Variants in HMX1 observed in about 807,000 individuals in gnomAD.
HMX1 encodes homeobox protein HMX1.
A neutral mutation model predicts 8.9 loss-of-function variants in HMX1; 8 were observed. The ratio of observed to expected loss-of-function variants is 0.90; its 90% confidence interval spans 0.53 to 1.63. The LOEUF (loss-of-function observed/expected upper bound fraction) is 1.63. Among genes scored for constraint, HMX1 ranks in the 40% most tolerant of loss-of-function variants. HMX1 has a pLI of 0.00. For synonymous variants in HMX1, 311 were observed against 283.4 expected (o/e 1.10, Z -0.98); for missense variants, 621 against 558.5 (o/e 1.11, Z -1.13).
exon 2 of HMX1, chr4:8,846,151 C>T (rs1013869767): frequency 6.9e-5 from 69 of 996,768 alleles, no homozygotes; most frequent in African/African-American, 2.6e-4. Flanking sequence ...CGCGGTCACT[C>T]GGGGGTCCAG....
intron 1 of HMX1, among the ~76,000 whole-genome samples, chr4:8,861,525 A>T (rs74487677): frequency 0.047 from 7,193 of 152,224 alleles, 208 homozygotes; most frequent in South Asian, 0.082. Context: ...CGCGCGCGGG[A>T]TCCTCGTGCG....
intron 1 of HMX1, among the ~76,000 whole-genome samples, chr4:8,861,734 C>T (rs1226622260): frequency 2.6e-5 from 4 of 152,354 alleles, no homozygotes; most frequent in Admixed American, 1.3e-4. Context: ...GCCTCTGCGC[C>T]TCTCTCTGGC....
chr4:8,854,221 G>A (rs1163794327), intron 1 of HMX1, among the ~76,000 whole-genome samples: 1 of 152,232 alleles, frequency 6.6e-6, no homozygotes, highest in East Asian at 1.9e-4. Flanking sequence ...GAAGTGCTCA[G>A]GGGCTGTCGG....
downstream of HMX1, among the ~76,000 whole-genome samples, chr4:8,864,025 C>T (rs920543220): frequency 6.6e-6 from 1 of 152,182 alleles, no homozygotes; most frequent in Non-Finnish European, 1.5e-5. Context: ...GCTGATTTCC[C>T]ACCTCTCAGG....
At chr4:8,863,203 A>C (rs532202503), downstream of HMX1, among the ~76,000 whole-genome samples, 135 of 152,360 alleles carry the variant, frequency 8.9e-4, no homozygotes, top group Non-Finnish European at 1.5e-3. Context: ...GGCCTCCCTC[A>C]GGCGGGTGGA....
Position 8,867,289 on chromosome 4 carries a change from G to T in HMX1, c.*404C>A. On this transcript the variant is annotated 3_prime_UTR_variant, in exon 2 of 2. Transcript: ENST00000400677. Reference sequence around the variant, plus strand: ...ACGTTTAGTGTTGGGGGCAGTCTGTGGGGACAGTCACCGCTCAGCCTTGGA... The same window carrying T: ...ACGTTTAGTGTTGGGGGCAGTCTGTTGGGACAGTCACCGCTCAGCCTTGGA... 1.0e-6 allele frequency: 1 copy of T among 988,238 alleles called. No individual in the cohort carries two copies. Among genetic ancestry groups the T allele is most frequent in the South Asian group, 4.7e-5 (1 of 21,320 alleles). The allele number at this position is 988,238 out of a possible 1,614,324, so 61.2% of individuals were successfully genotyped here.
downstream of HMX1, among the ~76,000 whole-genome samples, chr4:8,864,415 G>A (rs1721925956): frequency 6.6e-6 from 1 of 152,210 alleles, no homozygotes; most frequent in Non-Finnish European, 1.5e-5. Flanking sequence ...CGGAGAGGGT[G>A]AGGAGGTGGG....
Position 8,867,892 on chromosome 4 carries a change from G to C in HMX1, c.848C>G (p.Pro283Arg), listed in dbSNP as rs763131817. ...PPGAQRLVRV[P>R]VLYHESPPAA... ...CGGGGGGCTTTCGTGGTAGAGCACC[G>C]GCACGCGGACCAGGCGCTGCGCTCC... is the stretch of plus-strand genomic sequence containing the variant. The change falls in exon 2 of 2, where the codon CCG becomes CGG. Residue 283 changes from proline to arginine, a missense_variant. By Grantham distance (103) the Pro-to-Arg change is moderately radical. Transcript: ENST00000400677. The C allele has an allele frequency of 7.3e-7, 1 of 1,362,408 alleles. No homozygotes were observed. The highest frequency in any genetic ancestry group is 9.5e-7 in the Non-Finnish European group (1 of 1,055,652). 84.4% of individuals were successfully genotyped at this position (1,362,408 alleles called of 1,614,324 possible). A position where few individuals can be genotyped will look rare whatever the true frequency, so the allele number is the denominator to read the frequency against.
intron 1 of HMX1, among the ~76,000 whole-genome samples, chr4:8,852,107 C>T (rs1193380354): frequency 3.9e-5 from 6 of 152,382 alleles, no homozygotes; most frequent in South Asian, 4.1e-4. Flanking sequence ...CTCCAAGGGG[C>T]TGTGGGCAAG....
rs560669293 is a variant in HMX1 at position 8,847,587 on chromosome 4, C to A, written c.395-1263G>T. On this transcript the variant is annotated intron_variant, in intron 1 of 1. Transcript: ENST00000506970. This position sits in a 1 kb window ranked among gnomAD's most constrained non-coding sequence, Gnocchi z 6.0. ...GACACTGGACACGTGCAAACCACCC[C>A]CTTCTGTCCCCACAGAGATGCTTCT... Among the ~76,000 whole-genome samples the A allele has an allele frequency of 8.5e-5, 13 of 152,330 alleles. No homozygotes were observed. Among genetic ancestry groups the A allele is most frequent in the Non-Finnish European group, 1.6e-4 (11 of 68,036 alleles).
chr4:8,866,126 C>T (rs13303119), downstream of HMX1, among the ~76,000 whole-genome samples: 64,201 of 151,632 alleles, frequency 0.42, 16,372 homozygotes, highest in Non-Finnish European at 0.6. Context: ...ACTGATGGGC[C>T]GGGGCGGGGG....
rs964870479 is a variant in HMX1 at position 8,849,597 on chromosome 4, G to A, written c.395-3273C>T. Among the ~76,000 whole-genome samples the A allele has an allele frequency of 6.6e-6, 1 of 152,090 alleles. No homozygotes were observed. Among genetic ancestry groups the A allele is most frequent in the Non-Finnish European group, 1.5e-5 (1 of 68,028 alleles). Reference sequence around the variant, plus strand: ...CTGAAGCCCATTGCCTGTGGCCCTTGGTCCCGGCAGCCCCAGGACACTCAC... The same window carrying A: ...CTGAAGCCCATTGCCTGTGGCCCTTAGTCCCGGCAGCCCCAGGACACTCAC... On this transcript the variant is annotated intron_variant, in intron 1 of 1. Coordinates refer to the HMX1 transcript ENST00000506970. This position sits in a 1 kb window ranked among gnomAD's most constrained non-coding sequence, Gnocchi z 6.6.
chr4:8,865,075 CT>C (rs1354690918), downstream of HMX1, among the ~76,000 whole-genome samples: 1 of 152,182 alleles, frequency 6.6e-6, no homozygotes. Context: ...ACCCTTCCAG[CT>C]TCCTGGTGGC....
At chr4:8,858,163 C>G (rs1043294594) in intron 1 of HMX1, among the ~76,000 whole-genome samples, 3 of 152,030 alleles carry the variant, frequency 2.0e-5, no homozygotes, top group Admixed American at 1.3e-4. Flanking sequence ...TGGATTTTCG[C>G]GATTTAAGAA....
Position 8,868,195 on chromosome 4 carries a change from A to G in HMX1, c.545T>C (p.Leu182Pro). Residue 182 changes from leucine (L) to proline (P), a missense_variant, in exon 2 of 2, where the codon CTG becomes CCG. By Grantham distance (98) the Leu-to-Pro change is moderately conservative. Transcript: ENST00000400677. The surrounding 1 kb of genome is among the most constrained non-coding windows in gnomAD (Gnocchi z 4.6). The part of the protein sequence containing the change: ...PAAGTEEASE[L>P]AEVPAAAGET... ...CCCAGCCGCCGCAGGGACCTCGGCC[A>G]GCTCCGACGCCTCCTCCGTGCCGGC... 1 of 1,478,500 alleles carries G rather than the reference A, an allele frequency of 6.8e-7. No homozygotes were observed. The highest frequency in any genetic ancestry group is 8.9e-7 in the Non-Finnish European group (1 of 1,120,024). The allele number at this position is 1,478,500 out of a possible 1,614,324, so 91.6% of individuals were successfully genotyped here.
intron 1 of HMX1, among the ~76,000 whole-genome samples, chr4:8,869,933 G>A (rs769109968): frequency 4.6e-4 from 70 of 152,266 alleles, no homozygotes; most frequent in Non-Finnish European, 7.8e-4. Context: ...CCCCCAGAAG[G>A]GCACTAGACA....
At position 8,868,221 on chromosome 4, in the gene HMX1, C is replaced by T. The variant is rs564787911; in HGVS notation, c.519G>A (p.Ala173=). 22 of 1,440,438 alleles carry T rather than the reference C, an allele frequency of 1.5e-5. No individual in the cohort carries two copies. The East Asian group carries it at 3.9e-4, about 26-fold the overall frequency. The allele number at this position is 1,440,438 out of a possible 1,614,324, so 89.2% of individuals were successfully genotyped here. A position where few individuals can be genotyped will look rare whatever the true frequency, so the allele number is the denominator to read the frequency against. ...EAAELAARGP[A]AGTEEASELA... ...GCTCCGACGCCTCCTCCGTGCCGGCCGCCGGGCCACGCGCCGCCAGCTCCG... is the reference window on the plus strand; with the variant it reads ...GCTCCGACGCCTCCTCCGTGCCGGCTGCCGGGCCACGCGCCGCCAGCTCCG... Residue 173 remains alanine (A), a synonymous_variant, in exon 2 of 2, where the codon GCG becomes GCA. Transcript: ENST00000400677. The surrounding 1 kb of genome is among the most constrained non-coding windows in gnomAD (Gnocchi z 4.6).
Position 8,871,532 on chromosome 4 carries a change from T to C in HMX1, c.83A>G (p.Glu28Gly). The C allele has an allele frequency of 1.5e-6, 2 of 1,353,960 alleles. No homozygotes were observed. Among genetic ancestry groups the C allele is most frequent in the Non-Finnish European group, 1.9e-6 (2 of 1,051,476 alleles). 83.9% of individuals were successfully genotyped at this position (1,353,960 alleles called of 1,614,324 possible). ...SFLIENLLAA[E>G]AKGAGRATQG... ...GGTCGCGCGCCCTGCGCCCTTGGCC[T>C]CGGCCGCCAGCAGGTTCTCGATGAG... Residue 28 changes from glutamate (E) to glycine (G), a missense_variant, in exon 1 of 2, where the codon GAG becomes GGG. Physicochemically the swap from Glu to Gly is moderately conservative, Grantham distance 98. Coordinates refer to ENST00000400677, the MANE Select transcript of HMX1 (RefSeq NM_018942.3). This position sits in a 1 kb window ranked among gnomAD's most constrained non-coding sequence, Gnocchi z 4.8.
chr4:8,855,841 G>T (rs1721592974), intron 1 of HMX1, among the ~76,000 whole-genome samples: 1 of 152,148 alleles, frequency 6.6e-6, no homozygotes, highest in African/African-American at 2.4e-5. Flanking sequence ...AGAAGCCTCT[G>T]GACTTGCTCT....
Sources: gnomAD v4.1 joint callset for allele counts (sites outside exome capture counted in the v4.1 genomes callset) on GRCh38, gnomAD v4.1.1 for gene constraint, Gnocchi (gnomAD v3.1) non-coding constraint, MANE v1.5 for transcripts, NCBI Gene and HGNC (gene_info 2026-07-23, HGNC 2026-07-21) for gene names.